Variants in PLD5 observed in about 807,000 individuals in gnomAD.
PLD5 encodes the protein inactive phospholipase D5.
A neutral mutation model predicts 61.1 loss-of-function variants in PLD5; 36 were observed. That is an observed-to-expected ratio of 0.59 (90% CI 0.45 to 0.78). The LOEUF (loss-of-function observed/expected upper bound fraction) is 0.78. Ranked by LOEUF, PLD5 falls within the 30% of genes least tolerant of loss-of-function variation. The pLI is 0.00. For missense variants in PLD5, 515 were observed against 644.4 expected (o/e 0.80, Z 2.17); for synonymous variants, 243 against 242.8 (o/e 1.00, Z -0.01).
upstream of PLD5, among the ~76,000 whole-genome samples, chr1:242,525,741 T>C (rs960696293): frequency 6.6e-6 from 1 of 152,244 alleles, no homozygotes; most frequent in African/African-American, 2.4e-5. Context: ...ACTGCCCTAC[T>C]TGAATGACGG....
Position 242,276,804 on chromosome 1 carries a change from G to C in PLD5, c.496-11356C>G, listed in dbSNP as rs531331682. 9.9e-5 allele frequency among the ~76,000 whole-genome samples: 15 copies of C among 152,090 alleles called. 1 individual carries two copies. The highest frequency in any genetic ancestry group is 3.4e-3 in the Middle Eastern group (1 of 292). On this transcript the variant is annotated intron_variant, in intron 3 of 9. Coordinates refer to ENST00000536534, the MANE Select transcript of PLD5 (RefSeq NM_001372062.1). The stretch of plus-strand genomic sequence containing the variant: ...GAGTATCTGGCGTGGAGGCATGCAG[G>C]CTGCCTGTCCATTCATCATAACAGG...
At chr1:242,307,781 G>C (rs1676465658) in intron 2 of PLD5, among the ~76,000 whole-genome samples, 1 of 151,910 alleles carries the variant, frequency 6.6e-6, no homozygotes, top group Admixed American at 6.6e-5. Context: ...AAAACGTATT[G>C]ATTGTCACCA....
chr1:242,312,647 G>A (rs539007860), intron 2 of PLD5, among the ~76,000 whole-genome samples: 113 of 152,228 alleles, frequency 7.4e-4, no homozygotes, highest in African/African-American at 2.5e-3. Context: ...TGAGCTCCTA[G>A]TTAAGCAACG....
intron 1 of PLD5, among the ~76,000 whole-genome samples, chr1:242,405,937 A>G (rs961514536): frequency 6.6e-6 from 1 of 152,016 alleles, no homozygotes; most frequent in African/African-American, 2.4e-5. Flanking sequence ...AAAATCTAGC[A>G]ATTTTACAGT....
chr1:242,190,026 C>T (rs1478927223), intron 5 of PLD5, among the ~76,000 whole-genome samples: 2 of 151,778 alleles, frequency 1.3e-5, no homozygotes, highest in Admixed American at 6.6e-5. Context: ...CTCTGCAGAG[C>T]TCTCCGTGGT....
chr1:242,171,592 C>T (rs1666749563), intron 5 of PLD5, among the ~76,000 whole-genome samples: 2 of 151,900 alleles, frequency 1.3e-5, no homozygotes, highest in Admixed American at 6.6e-5. Flanking sequence ...AAGATACAGA[C>T]TGGAAAACTG....
intron 7 of PLD5, among the ~76,000 whole-genome samples, chr1:242,109,503 C>T (rs1372702633): frequency 6.6e-6 from 1 of 151,968 alleles, no homozygotes; most frequent in Non-Finnish European, 1.5e-5. Context: ...AATGCCACCC[C>T]CCACAAAAAT....
chr1:242,190,138 CTTTTTTTTTTTTTT>C (rs902616187), intron 5 of PLD5, among the ~76,000 whole-genome samples: 1 of 74,382 alleles, frequency 1.3e-5, no homozygotes, highest in South Asian at 6.8e-4. Context: ...GACAGGACTC[CTTTTTTTTTTTTTT>C]TTTTTTTTTT....
intron 4 of PLD5, among the ~76,000 whole-genome samples, chr1:242,235,081 C>A (rs886139707): frequency 7.9e-5 from 12 of 152,170 alleles, no homozygotes. Flanking sequence ...ACCTGCGTGA[C>A]AAAAGTGCTC....
At chr1:242,235,879 G>A (rs1310414209) in intron 4 of PLD5, 1 of 152,132 alleles carries the variant, frequency 6.6e-6, no homozygotes, top group Non-Finnish European at 1.5e-5. Context: ...GTGGGGAAAA[G>A]TCCTTCAGAA....
At chr1:242,429,328 C>T (rs1168122173) in intron 1 of PLD5, among the ~76,000 whole-genome samples, 1 of 152,144 alleles carries the variant, frequency 6.6e-6, no homozygotes, top group African/African-American at 2.4e-5. Flanking sequence ...ATAATTTAAA[C>T]CACAAGAAAG....
intron 1 of PLD5, among the ~76,000 whole-genome samples, chr1:242,520,427 A>G (rs376545954): frequency 2.6e-5 from 4 of 152,292 alleles, no homozygotes; most frequent in Non-Finnish European, 4.4e-5. Context: ...GACTTCTCTA[A>G]GGGGGAACAC....
chr1:242,492,831 G>A (rs1668209583), intron 1 of PLD5, among the ~76,000 whole-genome samples: 1 of 152,150 alleles, frequency 6.6e-6, no homozygotes, highest in South Asian at 2.1e-4. Flanking sequence ...GCAGCTGAGA[G>A]AGAAAATCAC....
chr1:242,106,891 G>A (rs1430420805), intron 8 of PLD5, among the ~76,000 whole-genome samples: 2 of 152,188 alleles, frequency 1.3e-5, no homozygotes, highest in African/African-American at 4.8e-5. Flanking sequence ...GTTGTAGGCA[G>A]AGGGAATAGC....
chr1:242,508,583 A>G (rs1175793648), intron 1 of PLD5, among the ~76,000 whole-genome samples: 1 of 152,212 alleles, frequency 6.6e-6, no homozygotes, highest in Non-Finnish European at 1.5e-5. Flanking sequence ...CACCATTCCC[A>G]GTAGCTCATC....
rs1669099037 is a variant in PLD5 at position 242,516,253 on chromosome 1, T to TAA, written c.189+7834_189+7835insTT. 1.3e-4 allele frequency among the ~76,000 whole-genome samples: 3 copies of TAA among 23,776 alleles called. No homozygotes were observed. The South Asian group carries it at 2.0e-3, about 16-fold the overall frequency. 15.6% of individuals were successfully genotyped at this position (23,776 alleles called of 152,430 possible). ...AATATATTCTTCTAAAGTTAAATTA[T>TAA]ATATATATATATATATATATATATA... is the stretch of plus-strand genomic sequence containing the variant. On this transcript the variant is annotated intron_variant, in intron 1 of 9. Coordinates refer to ENST00000536534, the MANE Select transcript of PLD5 (RefSeq NM_001372062.1).
At chr1:242,468,966 T>C (rs6671915) in intron 1 of PLD5, among the ~76,000 whole-genome samples, 3,876 of 152,224 alleles carry the variant, frequency 0.025, 161 homozygotes, top group African/African-American at 0.088. Context: ...CTCAAGAGCA[T>C]ACAGCTAGTG....
chr1:242,203,315 T>C (rs1669103751), intron 5 of PLD5, among the ~76,000 whole-genome samples: 1 of 152,192 alleles, frequency 6.6e-6, no homozygotes, highest in African/African-American at 2.4e-5. Context: ...CTTCCCTTTT[T>C]TCCGCCATGA....
chr1:242,306,784 CA>C (rs1558449163), intron 2 of PLD5, among the ~76,000 whole-genome samples: 1 of 43,118 alleles, frequency 2.3e-5, no homozygotes, highest in African/African-American at 7.1e-5. Flanking sequence ...CACACACACA[CA>C]CACACACCCC....
Sources: gnomAD v4.1 joint callset for allele counts (sites outside exome capture counted in the v4.1 genomes callset) on GRCh38, gnomAD v4.1.1 for gene constraint, MANE v1.5 for transcripts, NCBI Gene and HGNC (gene_info 2026-07-23, HGNC 2026-07-21) for gene names.